The following FBXL17 variants were observed in gnomAD, a reference collection of about 807,000 sequenced individuals.
FBXL17 encodes F-box/LRR-repeat protein 17.
Under a neutral mutation model 66.2 loss-of-function variants are expected in FBXL17, and 22 were observed. The ratio of observed to expected loss-of-function variants is 0.33; its 90% CI spans 0.24 to 0.47. The LOEUF (loss-of-function observed/expected upper bound fraction) is 0.47. Among genes scored for constraint, FBXL17 ranks in the 20% least tolerant of loss-of-function variants. The probability of loss-of-function intolerance (pLI) is 1.00; values close to 1 mark genes in which losing one functional copy is unlikely to be tolerated. For synonymous variants in FBXL17, 474 were observed against 400.5 expected (o/e 1.18, Z -2.19); for missense variants, 878 against 948.2 (o/e 0.93, Z 0.97).
At chr5:108,102,545 A>C (rs1749641304) in intron 6 of FBXL17, among the ~76,000 whole-genome samples, 1 of 152,172 alleles carries the variant, frequency 6.6e-6, no homozygotes, top group African/African-American at 2.4e-5. Context: ...TATTGCATTT[A>C]AAGTGTGTGT....
chr5:107,868,072 T>C (rs1748335361), intron 8 of FBXL17, among the ~76,000 whole-genome samples: 1 of 152,226 alleles, frequency 6.6e-6, no homozygotes, highest in Non-Finnish European at 1.5e-5. Flanking sequence ...AGTGAACATC[T>C]ATTATTTCCC....
chr5:107,907,937 A>T (rs1749819322), intron 7 of FBXL17, among the ~76,000 whole-genome samples: 1 of 152,196 alleles, frequency 6.6e-6, no homozygotes, highest in African/African-American at 2.4e-5. Flanking sequence ...CAGCCATCCC[A>T]TTACTGGATA....
chr5:108,062,381 C>A (rs1039933487), intron 6 of FBXL17, among the ~76,000 whole-genome samples: 3 of 152,000 alleles, frequency 2.0e-5, no homozygotes, highest in African/African-American at 2.4e-5. Flanking sequence ...TAACATGAGG[C>A]TAGAAATCCA....
chr5:108,314,397 A>G (rs1580799347), intron 4 of FBXL17, among the ~76,000 whole-genome samples: 1 of 151,690 alleles, frequency 6.6e-6, no homozygotes, highest in East Asian at 1.9e-4. Context: ...ATTCTGTGAA[A>G]ACATAAAATT....
At chr5:107,934,154 A>G (rs1210806018) in intron 7 of FBXL17, among the ~76,000 whole-genome samples, 1 of 152,102 alleles carries the variant, frequency 6.6e-6, no homozygotes, top group Non-Finnish European at 1.5e-5. Flanking sequence ...TTTACTTTCC[A>G]TGACAAATCT....
chr5:107,933,575 T>C (rs1236566306), intron 7 of FBXL17, among the ~76,000 whole-genome samples: 5 of 152,184 alleles, frequency 3.3e-5, no homozygotes, highest in South Asian at 4.1e-4. Flanking sequence ...GAATTTATGG[T>C]AAGTATACAG....
chr5:108,327,014 TG>T (rs1400589465), intron 4 of FBXL17, among the ~76,000 whole-genome samples: 1 of 152,208 alleles, frequency 6.6e-6, no homozygotes, highest in Non-Finnish European at 1.5e-5. Flanking sequence ...ATTCAAAGAC[TG>T]GTTCATGTAT....
intron 7 of FBXL17, among the ~76,000 whole-genome samples, chr5:107,950,509 T>C (rs995190324): frequency 2.6e-5 from 4 of 152,130 alleles, no homozygotes; most frequent in African/African-American, 9.7e-5. Flanking sequence ...ATGGGGTAGA[T>C]AAATGAGGTA....
chr5:108,317,499 C>G (rs1453809472), intron 4 of FBXL17, among the ~76,000 whole-genome samples: 1 of 150,452 alleles, frequency 6.6e-6, no homozygotes, highest in African/African-American at 2.4e-5. Flanking sequence ...TACTATACAT[C>G]GACTGAAAAA....
chr5:107,863,581 T>TCTGAAAAAAGGG (rs1748193013), intron 8 of FBXL17, among the ~76,000 whole-genome samples: 1 of 141,862 alleles, frequency 7.0e-6, no homozygotes, highest in Admixed American at 7.3e-5. Flanking sequence ...TCCCCCATAG[T>TCTGAAAAAAGGG]ACTTATTATT....
intron 4 of FBXL17, among the ~76,000 whole-genome samples, chr5:108,286,354 C>A (rs182978234): frequency 2.1e-4 from 32 of 151,976 alleles, no homozygotes; most frequent in African/African-American, 6.5e-4. Flanking sequence ...TCAAAACTAT[C>A]CCTGTTGCAG....
chr5:108,159,491 A>T (rs1752125397), intron 6 of FBXL17, among the ~76,000 whole-genome samples: 1 of 152,158 alleles, frequency 6.6e-6, no homozygotes, highest in African/African-American at 2.4e-5. Flanking sequence ...AATGGAATTC[A>T]CTACCGTATC....
intron 8 of FBXL17, among the ~76,000 whole-genome samples, chr5:107,878,084 C>A (rs1388306943): frequency 2.0e-5 from 3 of 152,082 alleles, no homozygotes; most frequent in Non-Finnish European, 4.4e-5. Flanking sequence ...AAATTCATAC[C>A]AAATACTAAG....
intron 5 of FBXL17, among the ~76,000 whole-genome samples, chr5:108,200,101 T>C (rs535159520): frequency 6.6e-5 from 10 of 152,174 alleles, no homozygotes; most frequent in South Asian, 2.1e-4. Context: ...CCAACACAAG[T>C]TGGAGCTGCA....
At chr5:107,970,348 C>A (rs1233220757) in intron 7 of FBXL17, among the ~76,000 whole-genome samples, 1 of 152,138 alleles carries the variant, frequency 6.6e-6, no homozygotes, top group Non-Finnish European at 1.5e-5. Context: ...AAAATGACCA[C>A]CACATTGCAT....
chr5:108,169,357 A>G (rs1752524775), intron 6 of FBXL17, among the ~76,000 whole-genome samples: 1 of 152,232 alleles, frequency 6.6e-6, no homozygotes, highest in African/African-American at 2.4e-5. Flanking sequence ...TATTTCCTCA[A>G]AGATAGTCAT....
chr5:108,100,149 A>G (rs1296141111), intron 6 of FBXL17, among the ~76,000 whole-genome samples: 11 of 152,154 alleles, frequency 7.2e-5, no homozygotes, highest in Non-Finnish European at 1.6e-4. Context: ...CTGGAGTAAA[A>G]ATAGATTATT....
chr5:108,309,889 C>T (rs983434998), intron 4 of FBXL17, among the ~76,000 whole-genome samples: 1 of 151,936 alleles, frequency 6.6e-6, no homozygotes, highest in African/African-American at 2.4e-5. Context: ...ATTCTCTACC[C>T]CTCATCTACT....
chr5:108,194,800 G>C (rs749062000), intron 5 of FBXL17, among the ~76,000 whole-genome samples: 10 of 152,280 alleles, frequency 6.6e-5, no homozygotes, highest in Non-Finnish European at 1.3e-4. Flanking sequence ...TAAAAAAGAA[G>C]ATTGACGGCC....
Sources: gnomAD v4.1 joint callset for allele counts (sites outside exome capture counted in the v4.1 genomes callset) on GRCh38, gnomAD v4.1.1 for gene constraint, MANE v1.5 for transcripts, NCBI Gene and HGNC (gene_info 2026-07-23, HGNC 2026-07-21) for gene names.